KIAA0232: variants seen among roughly 807,000 people sequenced by gnomAD.
The protein encoded by KIAA0232 is KIAA0232.
In KIAA0232, 27 loss-of-function variants were observed where a neutral mutation model predicts 122.0. The ratio of observed to expected loss-of-function variants is 0.22; its 90% CI spans 0.16 to 0.31. The LOEUF (loss-of-function observed/expected upper bound fraction) is 0.31. Among genes scored for constraint, KIAA0232 ranks in the 10% least tolerant of loss-of-function variants. The pLI, the probability that KIAA0232 is intolerant of heterozygous loss-of-function variation, is 1.00. For synonymous variants in KIAA0232, 613 were observed against 587.6 expected, an observed-to-expected ratio of 1.04 and a Z score of -0.63; for missense variants, 1,551 against 1,634.2, an observed-to-expected ratio of 0.95 and a Z score of 0.88.
chr4:6,806,483 C>T (rs1377869136), intron 2 of KIAA0232, among the ~76,000 whole-genome samples: 2 of 151,864 alleles, frequency 1.3e-5, no homozygotes, highest in African/African-American at 4.8e-5. Flanking sequence ...GCCTGTAATC[C>T]CAGCACTTTG....
In KIAA0232 at chr4:6,861,421, C is replaced by T; in HGVS notation, c.1039C>T (p.His347Tyr). 1.2e-6 allele frequency: 2 copies of T among 1,614,210 alleles called. No homozygotes were observed. Among genetic ancestry groups the T allele is most frequent in the African/African-American group, 2.7e-5 (2 of 75,052 alleles). The change falls in exon 7 of 10, where the codon CAT (histidine) becomes TAT (tyrosine). Residue 347 changes from histidine (H) to tyrosine (Y), a missense_variant. Coordinates refer to ENST00000307659, the MANE Select transcript of KIAA0232 (RefSeq NM_014743.3). ...KHGEKAERNI[H>Y]TGSSSSSSSG... ...CGGTGAAAAGGCTGAAAGGAACATT[C>T]ATACTGGAAGTAGTAGCAGTAGCAG...
Position 6,863,001 on chromosome 4 carries a change from G to A in KIAA0232, c.2619G>A (p.Glu873=), listed in dbSNP as rs765728751. ...AAGCTGAACTGGAGACCCTTCAGGA[G>A]CCTGATAAGGCTGTGCGGAGGTCAG... is the stretch of plus-strand genomic sequence containing the variant. ...DAEAELETLQ[E]PDKAVRRSEY... is the part of the protein sequence containing the mutation. The change falls in exon 7 of 10, where the codon GAG becomes GAA. Residue 873 remains glutamate, a synonymous_variant. Transcript: ENST00000307659. The A allele has an allele frequency of 1.2e-5, 20 of 1,614,228 alleles. No individual in the cohort carries two copies. The Admixed American group carries it at 1.3e-4, about 11-fold the overall frequency.
chr4:6,817,597 C>A (rs375433005), intron 2 of KIAA0232, among the ~76,000 whole-genome samples: 24 of 152,264 alleles, frequency 1.6e-4, no homozygotes, highest in African/African-American at 5.5e-4. Flanking sequence ...AGTTATAATT[C>A]CATGTGGTCA....
At chr4:6,874,773 A>T (rs978795844) in intron 8 of KIAA0232, among the ~76,000 whole-genome samples, 1 of 152,134 alleles carries the variant, frequency 6.6e-6, no homozygotes, top group African/African-American at 2.4e-5. Context: ...TTGTAAGGTA[A>T]AGTGCCTAGA....
intron 3 of KIAA0232, among the ~76,000 whole-genome samples, chr4:6,835,346 A>G (rs941777285): frequency 2.6e-5 from 4 of 152,174 alleles, no homozygotes; most frequent in Non-Finnish European, 4.4e-5. Flanking sequence ...GGGAAGAAGC[A>G]TCACTCTCTT....
intron 7 of KIAA0232, among the ~76,000 whole-genome samples, chr4:6,868,100 C>G (rs1467016841): frequency 5.3e-5 from 8 of 152,226 alleles, no homozygotes; most frequent in African/African-American, 1.7e-4. Context: ...AAACCAAGCA[C>G]CTTTCTCTTT....
chr4:6,848,654 A>G (rs1252029866), intron 4 of KIAA0232, among the ~76,000 whole-genome samples: 1 of 152,234 alleles, frequency 6.6e-6, no homozygotes, highest in East Asian at 1.9e-4. Flanking sequence ...CCTGGAAGCG[A>G]CCCAATATAG....
rs759244704 is a variant in KIAA0232, at chr4:6,862,818, T to C, written c.2436T>C (p.Asn812=). Reference sequence around the variant, plus strand: ...ATTTTGAAACTACACAAGTATGTAATGAAAGTCCACATGGAGATGGCTACA... The same window carrying C: ...ATTTTGAAACTACACAAGTATGTAACGAAAGTCCACATGGAGATGGCTACA... ...NKNFETTQVC[N]ESPHGDGYSS... is the part of the protein sequence containing the mutation. Residue 812 remains asparagine, a synonymous_variant, in exon 7 of 10, where the codon AAT becomes AAC. Coordinates refer to ENST00000307659, the MANE Select transcript of KIAA0232 (RefSeq NM_014743.3). 10 of 1,614,154 alleles carry C rather than the reference T, an allele frequency of 6.2e-6. No homozygotes were observed. In the Admixed American group the frequency reaches 1.7e-4, roughly 27 times the overall value.
chr4:6,861,168 C>A lies in KIAA0232; in HGVS notation c.786C>A (p.Gly262=). 3.7e-6 allele frequency: 6 copies of A among 1,614,112 alleles called. No individual in the cohort carries two copies. The highest frequency in any genetic ancestry group is 5.1e-6 in the Non-Finnish European group (6 of 1,180,028). ...AGAAGGAAAACAAATTTAGTAATGGCACAATTGAAGAAAAGCCTGCTTTGT... is the reference window on the plus strand; with the variant it reads ...AGAAGGAAAACAAATTTAGTAATGGAACAATTGAAGAAAAGCCTGCTTTGT... The part of the protein sequence containing the change: ...KNEKENKFSN[G]TIEEKPALYK... The change falls in exon 7 of 10, where the codon GGC becomes GGA. Residue 262 remains glycine (G), a synonymous_variant. Coordinates refer to ENST00000307659, the MANE Select transcript of KIAA0232 (RefSeq NM_014743.3).
chr4:6,849,871 G>C (rs1410467768), intron 4 of KIAA0232, among the ~76,000 whole-genome samples: 2 of 152,198 alleles, frequency 1.3e-5, no homozygotes, highest in African/African-American at 4.8e-5. Context: ...CCTCCTAGGA[G>C]ACAGCTAAAT....
intron 1 of KIAA0232, among the ~76,000 whole-genome samples, chr4:6,792,914 CT>C (rs1196225734): frequency 1.3e-5 from 2 of 151,986 alleles, no homozygotes; most frequent in Non-Finnish European, 2.9e-5. Flanking sequence ...TCTCGATCTC[CT>C]GATCTCGTGA....
Position 6,863,739 on chromosome 4 carries a change from AG to A in KIAA0232, c.3359del (p.Gly1120GlufsTer60). 6.2e-7 allele frequency: 1 copy of A among 1,614,226 alleles called. No individual in the cohort carries two copies. Among genetic ancestry groups the A allele is most frequent in the Non-Finnish European group, 8.5e-7 (1 of 1,180,034 alleles). On this transcript the variant is annotated frameshift_variant, in exon 7 of 10. Transcript: ENST00000307659. LOFTEE classifies it high-confidence loss of function. ...TTTCTGCATCCGAACTGTCCCCAGGAGGAGGAAGCGAGTCAGAATTTGAATC... is the reference window on the plus strand; with the variant it reads ...TTTCTGCATCCGAACTGTCCCCAGGAGAGGAAGCGAGTCAGAATTTGAATC... ...PISASELSPG[G>X]GSESEFESEK...
chr4:6,789,651 A>G (rs1030467813), intron 1 of KIAA0232, among the ~76,000 whole-genome samples: 1 of 152,146 alleles, frequency 6.6e-6, no homozygotes, highest in Admixed American at 6.6e-5. Context: ...GCATAAACAG[A>G]TTCATGATGG....
chr4:6,829,174 G>C (rs190940905), intron 3 of KIAA0232, among the ~76,000 whole-genome samples: 153 of 152,144 alleles, frequency 1.0e-3, no homozygotes, highest in Middle Eastern at 6.8e-3. Context: ...TATCTTTAGA[G>C]TTGGCTTGTG....
At chr4:6,818,246 C>A (rs71601810) in intron 2 of KIAA0232, among the ~76,000 whole-genome samples, 131 of 151,866 alleles carry the variant, frequency 8.6e-4, no homozygotes, top group Non-Finnish European at 1.6e-3. Flanking sequence ...ACTAAAAATA[C>A]AAAAATTAGC....
intron 1 of KIAA0232, among the ~76,000 whole-genome samples, chr4:6,786,394 C>A (rs2108849831): frequency 6.6e-6 from 1 of 152,296 alleles, no homozygotes; most frequent in Admixed American, 6.5e-5. Flanking sequence ...CCTCAACCTC[C>A]CAGGCTCAAG....
chr4:6,800,117 G>A (rs1337097551), intron 1 of KIAA0232, among the ~76,000 whole-genome samples: 1 of 123,534 alleles, frequency 8.1e-6, no homozygotes, highest in East Asian at 2.3e-4. Context: ...GAGTGCAGTG[G>A]CATGATCTCG....
chr4:6,807,321 C>A (rs1717684837), intron 2 of KIAA0232, among the ~76,000 whole-genome samples: 1 of 152,144 alleles, frequency 6.6e-6, no homozygotes, highest in Admixed American at 6.5e-5. Context: ...TCTATAAGAA[C>A]AATCCTGTTT....
intron 3 of KIAA0232, 54 bp from the exon 4 acceptor site, chr4:6,842,013 A>ATAG (rs1483016711): frequency 1.2e-5 from 20 of 1,602,598 alleles, no homozygotes; most frequent in Non-Finnish European, 1.5e-5. Context: ...TAGGTGGAAC[A>ATAG]TAGTAGTGTC....
Sources: gnomAD v4.1 joint callset for allele counts (sites outside exome capture counted in the v4.1 genomes callset) on GRCh38, gnomAD v4.1.1 for gene constraint, MANE v1.5 for transcripts, NCBI Gene and HGNC (gene_info 2026-07-23, HGNC 2026-07-21) for gene names.